Variants in PDLIM3 observed in about 807,000 individuals in gnomAD.
The protein encoded by PDLIM3 is PDZ and LIM domain protein 3.
Under a neutral mutation model 37.3 loss-of-function variants are expected in PDLIM3, and 36 were observed. The observed-to-expected ratio is 0.97, with a 90% CI of 0.74 to 1.28. The LOEUF is 1.28. Among genes scored for constraint, PDLIM3 ranks in the 50% most tolerant of loss-of-function variants. The pLI is 0.00. For missense variants in PDLIM3, 454 were observed against 485.0 expected, an observed-to-expected ratio of 0.94 and a Z score of 0.60; for synonymous variants, 174 against 182.4, an observed-to-expected ratio of 0.95 and a Z score of 0.37.
At position 185,524,812 on chromosome 4, in the gene PDLIM3, C is replaced by A. The variant is rs544287616; in HGVS notation, c.245+208G>T. On this transcript the variant is annotated intron_variant, in intron 2 of 7. Transcript: ENST00000284767. ...CTTTTAGCCTCTTTTATTATTCTAA[C>A]ATTCCAGAGAATCCTTTTTAGAAAT... Among the ~76,000 whole-genome samples, 4 of 152,328 alleles carry A rather than the reference C, an allele frequency of 2.6e-5. No individual in the cohort carries two copies. The East Asian group carries it at 7.7e-4, about 29-fold the overall frequency.
intron 1 of PDLIM3, among the ~76,000 whole-genome samples, chr4:185,533,461 A>G (rs891464801): frequency 2.0e-5 from 3 of 152,208 alleles, no homozygotes; most frequent in Admixed American, 1.3e-4. Flanking sequence ...AGAATCTACT[A>G]TATACCTGGC....
intron 4 of PDLIM3, chr4:185,513,402 G>T: frequency 1.0e-6 from 1 of 956,032 alleles, no homozygotes; most frequent in Non-Finnish European, 1.2e-6. Flanking sequence ...CGGGTGTCTA[G>T]AGGGGCCAGG....
intron 1 of PDLIM3, among the ~76,000 whole-genome samples, chr4:185,526,045 C>T (rs1309166752): frequency 6.6e-6 from 1 of 152,152 alleles, no homozygotes; most frequent in Non-Finnish European, 1.5e-5. Context: ...AGTCACAGGG[C>T]AATAAACTTG....
chr4:185,523,493 T>C (rs761390494), intron 2 of PDLIM3, 47 bp from the exon 3 acceptor site: 3 of 1,194,804 alleles, frequency 2.5e-6, no homozygotes, highest in Non-Finnish European at 3.7e-6. Flanking sequence ...AATGGTACTT[T>C]CAGTTTTAGC....
Position 185,501,328 on chromosome 4 carries a change from A to T in PDLIM3, c.*966T>A, listed in dbSNP as rs1416382616. The T allele has an allele frequency of 6.6e-6, 1 of 152,236 alleles. No individual in the cohort carries two copies. The highest frequency in any genetic ancestry group is 1.5e-5 in the Non-Finnish European group (1 of 68,100). The allele number at this position is 152,236 out of a possible 1,614,324, so 9.4% of individuals were successfully genotyped here. ...GATTTCAACAGTGGATACAAGCAGGACCCCAGGAGACCAGCAGCCCCTGCC... is the reference window on the plus strand; with the variant it reads ...GATTTCAACAGTGGATACAAGCAGGTCCCCAGGAGACCAGCAGCCCCTGCC... On this transcript the variant is annotated 3_prime_UTR_variant, in exon 8 of 8. Coordinates refer to ENST00000284767, the MANE Select transcript of PDLIM3 (RefSeq NM_014476.6).
At chr4:185,506,196 G>C (rs535939673) in intron 6 of PDLIM3, among the ~76,000 whole-genome samples, 2 of 151,456 alleles carry the variant, frequency 1.3e-5, no homozygotes, top group Non-Finnish European at 2.9e-5. Flanking sequence ...TCCAGAGTGT[G>C]GGGGGGAGGC....
At chr4:185,532,339 T>G (rs2095746016) in intron 1 of PDLIM3, among the ~76,000 whole-genome samples, 1 of 152,196 alleles carries the variant, frequency 6.6e-6, no homozygotes, top group South Asian at 2.1e-4. Flanking sequence ...CTTCGGGGAA[T>G]GTGCAATCTG....
chr4:185,512,090 ATTC>A (rs1263784331), intron 4 of PDLIM3: 5 of 105,796 alleles, frequency 4.7e-5, no homozygotes, highest in East Asian at 3.1e-4. Flanking sequence ...CACTCTTATA[ATTC>A]TTTTTTTTTT....
At position 185,514,932 on chromosome 4, in the gene PDLIM3, AG is replaced by A; in HGVS notation, c.331-596del. 6.7e-7 allele frequency: 1 copy of A among 1,502,744 alleles called. No individual in the cohort carries two copies. Among genetic ancestry groups the A allele is most frequent in the Non-Finnish European group, 9.0e-7 (1 of 1,115,408 alleles). The allele number at this position is 1,502,744 out of a possible 1,614,324, so 93.1% of individuals were successfully genotyped here. Reference sequence around the variant, plus strand: ...AAAATACACAGCCACACAGCGCACAAGAAAGCCATTAGTGAGCGAAACCAAC... The same window carrying A: ...AAAATACACAGCCACACAGCGCACAAAAAGCCATTAGTGAGCGAAACCAAC... On this transcript the variant is annotated intron_variant, in intron 3 of 7. Coordinates refer to ENST00000284767, the MANE Select transcript of PDLIM3 (RefSeq NM_014476.6). This position sits in a 1 kb window ranked among gnomAD's most constrained non-coding sequence, Gnocchi z 4.0.
Position 185,534,456 on chromosome 4 carries a change from G to T in PDLIM3, c.93+886C>A, listed in dbSNP as rs529341363. Reference sequence around the variant, plus strand: ...AAATAATACATTAATTTTCTATGAAGAAAAACATTGTGTTAGAAAAAAACC... The same window carrying T: ...AAATAATACATTAATTTTCTATGAATAAAAACATTGTGTTAGAAAAAAACC... On this transcript the variant is annotated intron_variant, in intron 1 of 7. Transcript: ENST00000284767. Among the ~76,000 whole-genome samples the T allele has an allele frequency of 4.6e-5, 7 of 152,186 alleles. No homozygotes were observed. The South Asian group carries it at 1.5e-3, about 32-fold the overall frequency.
chr4:185,507,168 A>C (rs1421704713), intron 5 of PDLIM3: 2 of 153,434 alleles, frequency 1.3e-5, no homozygotes, highest in African/African-American at 4.8e-5. Flanking sequence ...ACCCCTGGAA[A>C]TAACAAGGGT....
chr4:185,502,889 T>C (rs979449007), intron 7 of PDLIM3, among the ~76,000 whole-genome samples: 1 of 152,166 alleles, frequency 6.6e-6, no homozygotes, highest in Admixed American at 6.5e-5. Context: ...TCTGATTGCT[T>C]TCCGTCTGCG....
intron 4 of PDLIM3, among the ~76,000 whole-genome samples, chr4:185,510,953 C>T (rs567571629): frequency 1.2e-4 from 19 of 152,376 alleles, no homozygotes; most frequent in South Asian, 4.1e-4. Flanking sequence ...TGGGTCACCA[C>T]GACCTGTTCC....
rs2095742709 is a variant in PDLIM3, at chr4:185,530,776, C to T, written c.93+4566G>A. On this transcript the variant is annotated intron_variant, in intron 1 of 7. Coordinates refer to ENST00000284767, the MANE Select transcript of PDLIM3 (RefSeq NM_014476.6). The stretch of plus-strand genomic sequence containing the variant: ...GGTCATGGATCATCCCTTTGTCCAG[C>T]GTATCCACCTTGTCTATGCTGCACT... Among the ~76,000 whole-genome samples, 3 of 152,114 alleles carry T rather than the reference C, an allele frequency of 2.0e-5. No individual in the cohort carries two copies. In the South Asian group the frequency reaches 6.2e-4, roughly 32 times the overall value.
chr4:185,514,973 T>G lies in PDLIM3; in HGVS notation c.331-636A>C, dbSNP rs2095712717. The G allele has an allele frequency of 9.2e-7, 1 of 1,082,004 alleles. No individual in the cohort carries two copies. Among genetic ancestry groups the G allele is most frequent in the Admixed American group, 2.8e-5 (1 of 36,046 alleles). 67.0% of individuals were successfully genotyped at this position (1,082,004 alleles called of 1,614,324 possible). A position where few individuals can be genotyped will look rare whatever the true frequency, so the allele number is the denominator to read the frequency against. Reference sequence around the variant, plus strand: ...GCGAAACCAACAGCATCACTACTGTTAATAAAGGCATCTTTACCCACGACG... The same window carrying G: ...GCGAAACCAACAGCATCACTACTGTGAATAAAGGCATCTTTACCCACGACG... On this transcript the variant is annotated intron_variant, in intron 3 of 7. Coordinates refer to ENST00000284767, the MANE Select transcript of PDLIM3 (RefSeq NM_014476.6). The surrounding 1 kb of genome is among the most constrained non-coding windows in gnomAD (Gnocchi z 4.0).
Position 185,523,361 on chromosome 4 carries a change from C to T in PDLIM3, c.330+1G>A, listed in dbSNP as rs1413769475. 1 of 1,597,802 alleles carries T rather than the reference C, an allele frequency of 6.3e-7. No individual in the cohort carries two copies. The highest frequency in any genetic ancestry group is 8.6e-7 in the Non-Finnish European group (1 of 1,165,432). On this transcript the variant is annotated splice_donor_variant, in intron 3 of 7. Transcript: ENST00000284767. LOFTEE classifies it high-confidence loss of function. ...TGTATCATTTGCTCTAAAACGCATA[C>T]CTGTGGTTCTGATTCTAAGTTGATT...
At chr4:185,521,291 C>T (rs79071575) in intron 3 of PDLIM3, among the ~76,000 whole-genome samples, 4,937 of 65,462 alleles carry the variant, frequency 0.075, 1,178 homozygotes, top group African/African-American at 0.13. Flanking sequence ...ATTCAGATCC[C>T]TTCTCATTAT....
chr4:185,527,454 T>C (rs981341066), intron 1 of PDLIM3, among the ~76,000 whole-genome samples: 2 of 152,244 alleles, frequency 1.3e-5, no homozygotes, highest in Admixed American at 6.5e-5. Context: ...ATGTTTATTG[T>C]ACTCACTTTA....
rs1159241604 is a variant in PDLIM3, at chr4:185,500,830, C to T, written c.*1464G>A. The T allele has an allele frequency of 6.6e-6, 1 of 152,064 alleles. No individual in the cohort carries two copies. The highest frequency in any genetic ancestry group is 2.4e-5 in the African/African-American group (1 of 41,376). 9.4% of individuals were successfully genotyped at this position (152,064 alleles called of 1,614,324 possible). A position where few individuals can be genotyped will look rare whatever the true frequency, so the allele number is the denominator to read the frequency against. ...AGAGTCAGTTAAGTTTGGAAGAATC[C>T]CAGAGCAATAAAACTTGTGTCCCAT... On this transcript the variant is annotated 3_prime_UTR_variant, in exon 8 of 8. Coordinates refer to ENST00000284767, the MANE Select transcript of PDLIM3 (RefSeq NM_014476.6).
Sources: allele counts gnomAD v4.1 joint callset (sites outside exome capture counted in the v4.1 genomes callset), GRCh38; gene constraint gnomAD v4.1.1; non-coding constraint Gnocchi (gnomAD v3.1); transcripts MANE v1.5; gene names NCBI Gene and HGNC (gene_info 2026-07-23, HGNC 2026-07-21).